DAP3: variants seen among roughly 807,000 people sequenced by gnomAD.
DAP3 encodes the protein death associated protein 3.
Under a neutral mutation model 51.9 loss-of-function variants are expected in DAP3, and 28 were observed. That is an observed-to-expected ratio of 0.54 (90% CI 0.40 to 0.74). The LOEUF (loss-of-function observed/expected upper bound fraction) is 0.74, where lower values mean the gene tolerates loss of function less well. Among genes scored for constraint, DAP3 ranks in the 30% least tolerant of loss-of-function variants. The pLI, the probability that DAP3 is intolerant of heterozygous loss-of-function variation, is 0.00. For missense variants in DAP3, 458 were observed against 483.5 expected (o/e 0.95, Z 0.49); for synonymous variants, 170 against 170.3 (o/e 1.00, Z 0.01).
At chr1:155,707,775 C>T (rs1352196422) in intron 1 of DAP3, among the ~76,000 whole-genome samples, 1 of 152,004 alleles carries the variant, frequency 6.6e-6, no homozygotes, top group Non-Finnish European at 1.5e-5. Context: ...TTATATCCCC[C>T]AAATAATTAA....
chr1:155,690,239 T>C (rs1325654974), intron 1 of DAP3, among the ~76,000 whole-genome samples: 1 of 141,776 alleles, frequency 7.1e-6, no homozygotes, highest in Non-Finnish European at 1.5e-5. Context: ...TGGAATCTTC[T>C]ACTGGATCCT....
chr1:155,729,287 T>C lies in DAP3; in HGVS notation c.764T>C (p.Met255Thr), dbSNP rs1025391605. The C allele has an allele frequency of 3.1e-6, 5 of 1,614,088 alleles. No individual in the cohort carries two copies. Among genetic ancestry groups the C allele is most frequent in the Non-Finnish European group, 4.2e-6 (5 of 1,180,038 alleles). The change falls in exon 9 of 13, where the codon ATG becomes ACG. Residue 255 changes from methionine to threonine, a missense_variant. Transcript: ENST00000368336. ...KELKRQSSLG[M>T]FHLLVAVDGI... ...CTAAAGAGGCAAAGTTCTTTGGGTA[T>C]GTTTCACCTCCTAGTGGCCGTGGAT... is the stretch of plus-strand genomic sequence containing the variant.
intron 4 of DAP3, among the ~76,000 whole-genome samples, chr1:155,723,123 G>A (rs1482215737): frequency 6.6e-6 from 1 of 151,712 alleles, no homozygotes; most frequent in African/African-American, 2.4e-5. Context: ...CTCACGGACA[G>A]TGTGCCCAGG....
At chr1:155,737,505 T>A (rs1659928136) in intron 12 of DAP3, among the ~76,000 whole-genome samples, 1 of 152,230 alleles carries the variant, frequency 6.6e-6, no homozygotes, top group Admixed American at 6.5e-5. Context: ...CTTTCAGCAC[T>A]ATATTTCATC....
intron 9 of DAP3, among the ~76,000 whole-genome samples, chr1:155,730,247 ACGTATATATGCACACATAC>A (rs1659097957): frequency 6.4e-4 from 96 of 149,398 alleles, no homozygotes; most frequent in African/African-American, 2.2e-3. Flanking sequence ...ATGTATATAT[ACGTATATATGCACACATAC>A]ATATTCGTAT....
chr1:155,696,906 C>G (rs1158076097), intron 1 of DAP3, among the ~76,000 whole-genome samples: 1 of 152,154 alleles, frequency 6.6e-6, no homozygotes, highest in African/African-American at 2.4e-5. Context: ...TAACAAGCAG[C>G]CAGTCTTTAG....
intron 3 of DAP3, among the ~76,000 whole-genome samples, chr1:155,718,041 T>A (rs1449646466): frequency 2.0e-5 from 3 of 152,198 alleles, no homozygotes; most frequent in Admixed American, 2.0e-4. Flanking sequence ...AAAGAAAAAG[T>A]AAACACCCAT....
Position 155,692,885 on chromosome 1 carries a change from G to GAAA in DAP3, c.-8+3712_-8+3713insAAA, listed in dbSNP as rs1359779212. On this transcript the variant is annotated intron_variant, in intron 1 of 12. Transcript: ENST00000368336. Reference sequence around the variant, plus strand: ...GCCAATTGTTGGTCTATCCGGGTCTGATAATTCCACAATTTTGAGGAATTC... The same window carrying GAAA: ...GCCAATTGTTGGTCTATCCGGGTCTGAAAATAATTCCACAATTTTGAGGAATTC... 4.2e-5 allele frequency among the ~76,000 whole-genome samples: 6 copies of GAAA among 142,244 alleles called. No homozygotes were observed. In the South Asian group the frequency reaches 1.2e-3, roughly 29 times the overall value. 93.3% of individuals were successfully genotyped at this position (142,244 alleles called of 152,430 possible).
At chr1:155,736,441 T>C (rs1209682662) in intron 11 of DAP3, among the ~76,000 whole-genome samples, 4 of 152,118 alleles carry the variant, frequency 2.6e-5, no homozygotes, top group Non-Finnish European at 5.9e-5. Context: ...TGTGTAGACA[T>C]GGTCTTACTC....
chr1:155,723,994 G>A (rs1176420938), intron 4 of DAP3, among the ~76,000 whole-genome samples: 3 of 148,900 alleles, frequency 2.0e-5, no homozygotes, highest in African/African-American at 5.0e-5. Context: ...AGCTGAGATC[G>A]TGTCACTGCA....
intron 1 of DAP3, among the ~76,000 whole-genome samples, chr1:155,704,903 C>T (rs1655751217): frequency 6.6e-6 from 1 of 151,708 alleles, no homozygotes; most frequent in Admixed American, 6.6e-5. Flanking sequence ...TGTTTGAACT[C>T]GGGAAGTGGA....
intron 1 of DAP3, among the ~76,000 whole-genome samples, chr1:155,700,701 T>A (rs1571442623): frequency 9.3e-6 from 1 of 107,638 alleles, no homozygotes; most frequent in Non-Finnish European, 2.0e-5. Flanking sequence ...GATGGGGGGG[T>A]CAGCCCCCCA....
intron 2 of DAP3, among the ~76,000 whole-genome samples, chr1:155,714,799 C>T (rs1657134287): frequency 6.6e-6 from 1 of 152,034 alleles, no homozygotes; most frequent in Non-Finnish European, 1.5e-5. Context: ...TACTGTCTCT[C>T]AACCTGTGTA....
At chr1:155,705,080 C>A (rs113888194) in intron 1 of DAP3, among the ~76,000 whole-genome samples, 1 of 151,618 alleles carries the variant, frequency 6.6e-6, no homozygotes, top group Non-Finnish European at 1.5e-5. Flanking sequence ...TCACTTGAGT[C>A]CAGGAGTTCA....
chr1:155,708,447 T>C (rs771587259), intron 1 of DAP3, among the ~76,000 whole-genome samples: 22 of 152,322 alleles, frequency 1.4e-4, no homozygotes, highest in Non-Finnish European at 2.6e-4. Flanking sequence ...TATACTTTCA[T>C]TGACATGTAT....
rs1209366284 is a variant in DAP3 at position 155,692,455 on chromosome 1, C to G, written c.-8+3281C>G. On this transcript the variant is annotated intron_variant, in intron 1 of 12. Coordinates refer to ENST00000368336, the MANE Select transcript of DAP3 (RefSeq NM_004632.4). ...TCTGGTCTCTCTCCAGAGGCATCTT[C>G]CGCATCTGCAGACTAAAAGCAAACA... 3.5e-5 allele frequency among the ~76,000 whole-genome samples: 5 copies of G among 141,808 alleles called. No homozygotes were observed. The East Asian group carries it at 9.6e-4, about 27-fold the overall frequency. The allele number at this position is 141,808 out of a possible 152,430, so 93.0% of individuals were successfully genotyped here. A position where few individuals can be genotyped will look rare whatever the true frequency, so the allele number is the denominator to read the frequency against.
Position 155,695,501 on chromosome 1 carries a change from A to C in DAP3, c.-8+6327A>C, listed in dbSNP as rs143589190. 3.2e-4 allele frequency among the ~76,000 whole-genome samples: 49 copies of C among 152,348 alleles called. 1 individual carries two copies. Among genetic ancestry groups the C allele is most frequent in the African/African-American group, 9.6e-4 (40 of 41,580 alleles). ...GGCATCAGTAAGTATGGGGGAAACC[A>C]ACAAGTCAGCTTGCTCATTAGCCTC... On this transcript the variant is annotated intron_variant, in intron 1 of 12. Transcript: ENST00000368336.
chr1:155,728,132 G>A (rs1247311539), intron 7 of DAP3, among the ~76,000 whole-genome samples: 2 of 152,050 alleles, frequency 1.3e-5, no homozygotes, highest in Non-Finnish European at 2.9e-5. Context: ...TAGACCAGGG[G>A]CCTTCAACTC....
At chr1:155,690,934 G>C (rs2149099475) in intron 1 of DAP3, among the ~76,000 whole-genome samples, 1 of 141,460 alleles carries the variant, frequency 7.1e-6, no homozygotes, top group Non-Finnish European at 1.5e-5. Flanking sequence ...TTGAGACGGA[G>C]TCTCGCTCTG....
Sources: allele counts gnomAD v4.1 joint callset (sites outside exome capture counted in the v4.1 genomes callset), GRCh38; gene constraint gnomAD v4.1.1; transcripts MANE v1.5; gene names NCBI Gene and HGNC (gene_info 2026-07-23, HGNC 2026-07-21).